PLXNA4: variants seen among roughly 807,000 people sequenced by gnomAD.
The protein encoded by PLXNA4 is plexin-A4.
A neutral mutation model predicts 191.8 loss-of-function variants in PLXNA4; 44 were observed. The ratio of observed to expected loss-of-function variants is 0.23; its 90% confidence interval spans 0.18 to 0.29. The LOEUF (loss-of-function observed/expected upper bound fraction) is 0.29. PLXNA4 is among the 10% of genes least tolerant of loss of function. The pLI is 1.00. For synonymous variants in PLXNA4, 1,082 were observed against 1,009.5 expected (o/e 1.07, Z -1.36); for missense variants, 1,800 against 2,488.8 (o/e 0.72, Z 5.89).
intron 1 of PLXNA4, among the ~76,000 whole-genome samples, chr7:132,564,002 TCCTCCTTCTCCTCCTCCTTCTCCTC>T (rs1801568144): frequency 1.3e-5 from 1 of 79,390 alleles, no homozygotes; most frequent in Non-Finnish European, 2.5e-5. Context: ...CTCCTTCTCC[TCCTCCTTCTCCTCCTCCTTCTCCTC>T]CTCCTTCTCC....
chr7:132,433,206 G>A (rs974633303), intron 3 of PLXNA4, among the ~76,000 whole-genome samples: 11 of 152,118 alleles, frequency 7.2e-5, no homozygotes, highest in African/African-American at 2.2e-4. Flanking sequence ...CAATAGTTTT[G>A]ACTCTGAGAT....
chr7:132,417,658 GGA>G (rs1328857454), intron 3 of PLXNA4, among the ~76,000 whole-genome samples: 1 of 147,050 alleles, frequency 6.8e-6, no homozygotes, highest in Non-Finnish European at 1.5e-5. Flanking sequence ...AGAGAGAGAA[GGA>G]GAGAGAGAAA....
At chr7:132,254,966 C>T (rs985636754) in intron 4 of PLXNA4, among the ~76,000 whole-genome samples, 4 of 152,052 alleles carry the variant, frequency 2.6e-5, no homozygotes, top group Admixed American at 2.0e-4. Flanking sequence ...GAGGCTAATT[C>T]CAGGCTAATT....
rs1430482283 is a variant in PLXNA4, at chr7:132,576,311, G to GCGTGTT, written c.-87+110_-87+111insAACACG. The GCGTGTT allele has an allele frequency of 1.1e-5, 9 of 830,320 alleles. No individual in the cohort carries two copies. Among genetic ancestry groups the GCGTGTT allele is most frequent in the Non-Finnish European group, 1.3e-5 (9 of 688,166 alleles). The allele number at this position is 830,320 out of a possible 1,614,324, so 51.4% of individuals were successfully genotyped here. On this transcript the variant is annotated intron_variant, in intron 1 of 31. Transcript: ENST00000321063. This position sits in a 1 kb window ranked among gnomAD's most constrained non-coding sequence, Gnocchi z 5.8. The stretch of plus-strand genomic sequence containing the variant: ...TGCCTGCGTGTGTGCGTGTGCGTGT[G>GCGTGTT]CCGCGGGCTGGCTCCGGGACACTGA...
intron 1 of PLXNA4, among the ~76,000 whole-genome samples, chr7:132,543,851 AG>A (rs921575161): frequency 5.6e-4 from 86 of 152,360 alleles, no homozygotes; most frequent in Middle Eastern, 6.8e-3. Context: ...ATCAGGAAGG[AG>A]AGTTGACTCC....
At chr7:132,465,096 C>T (rs771891363) in intron 3 of PLXNA4, among the ~76,000 whole-genome samples, 2 of 152,310 alleles carry the variant, frequency 1.3e-5, no homozygotes, top group Middle Eastern at 3.4e-3. Context: ...TTCATTCCCT[C>T]CACCACTTGC....
intron 2 of PLXNA4, among the ~76,000 whole-genome samples, chr7:132,615,459 C>T (rs1371476539): frequency 3.9e-5 from 6 of 152,126 alleles, no homozygotes; most frequent in African/African-American, 1.4e-4. Context: ...CCGCAGTGCC[C>T]GGCCTCAGCG....
chr7:132,565,038 G>A (rs931573601), intron 1 of PLXNA4, among the ~76,000 whole-genome samples: 1 of 152,138 alleles, frequency 6.6e-6, no homozygotes. Flanking sequence ...CACCAGATCA[G>A]CAAACACACG....
intron 1 of PLXNA4, among the ~76,000 whole-genome samples, chr7:132,561,390 CTCCTCCTCT>C (rs1801047436): frequency 7.0e-6 from 1 of 142,604 alleles, no homozygotes; most frequent in Non-Finnish European, 1.5e-5. Context: ...CCTCTTCCTC[CTCCTCCTCT>C]TCCTCCTCCT....
At chr7:132,590,219 G>C (rs558050252) in intron 2 of PLXNA4, among the ~76,000 whole-genome samples, 1 of 152,136 alleles carries the variant, frequency 6.6e-6, no homozygotes, top group African/African-American at 2.4e-5. Context: ...AGGCACAGAA[G>C]GTAACTGAGG....
In PLXNA4 at chr7:132,132,435, CTGT is replaced by C. The variant is rs1369333362; in HGVS notation, c.5589+611_5589+613del. 1.6e-4 allele frequency among the ~76,000 whole-genome samples: 12 copies of C among 76,094 alleles called. No homozygotes were observed. The South Asian group carries it at 5.0e-3, about 32-fold the overall frequency. 49.9% of individuals were successfully genotyped at this position (76,094 alleles called of 152,430 possible). On this transcript the variant is annotated intron_variant, in intron 31 of 31. Coordinates refer to ENST00000321063, the MANE Select transcript of PLXNA4 (RefSeq NM_020911.2). ...CTGTTCTGTTCTGTTCTGTTCTGTT[CTGT>C]TCTGTTCTGTTCTGTTCTGTTCTGT...
At chr7:132,458,261 G>T (rs1796380210) in intron 3 of PLXNA4, among the ~76,000 whole-genome samples, 1 of 151,676 alleles carries the variant, frequency 6.6e-6, no homozygotes, top group Non-Finnish European at 1.5e-5. Flanking sequence ...GCTTGGCAGG[G>T]TCTACCAAAG....
chr7:132,225,616 G>GCCC lies in PLXNA4; in HGVS notation c.1982+542_1982+544dup, dbSNP rs35219127. On this transcript the variant is annotated intron_variant, in intron 8 of 31. Transcript: ENST00000321063. ...CTTCCTGACCCCTAAGCCAGAGTCCGCCCCCCCCCACAGCTTTCTGCCTCC... is the reference window on the plus strand; with the variant it reads ...CTTCCTGACCCCTAAGCCAGAGTCCGCCCCCCCCCCCCACAGCTTTCTGCCTCC... Among the ~76,000 whole-genome samples, 651 of 149,816 alleles carry GCCC rather than the reference G, an allele frequency of 4.3e-3. 12 individuals are homozygous for GCCC. The highest frequency in any genetic ancestry group is 0.036 in the South Asian group (168 of 4,718).
intron 25 of PLXNA4, among the ~76,000 whole-genome samples, chr7:132,155,022 T>C (rs1795751503): frequency 6.6e-6 from 1 of 152,204 alleles, no homozygotes; most frequent in Non-Finnish European, 1.5e-5. Context: ...TCTTTATATT[T>C]CACTCAGAAG....
intron 3 of PLXNA4, among the ~76,000 whole-genome samples, chr7:132,375,701 A>G (rs1235896427): frequency 1.3e-5 from 2 of 152,194 alleles, no homozygotes; most frequent in African/African-American, 4.8e-5. Flanking sequence ...GCTTACTGAA[A>G]CAGGTGACAT....
chr7:132,344,229 AT>A (rs36037835), intron 3 of PLXNA4, among the ~76,000 whole-genome samples: 5,885 of 150,634 alleles, frequency 0.039, 164 homozygotes, highest in Middle Eastern at 0.073. Context: ...CAAGACATGG[AT>A]TTTTTTTTTC....
intron 1 of PLXNA4, among the ~76,000 whole-genome samples, chr7:132,570,703 G>A (rs1167505533): frequency 2.0e-5 from 3 of 152,200 alleles, no homozygotes; most frequent in African/African-American, 4.8e-5. Flanking sequence ...TTGATTCAGC[G>A]AGGCTGTGTT....
intron 3 of PLXNA4, among the ~76,000 whole-genome samples, chr7:132,456,847 C>T (rs1796334032): frequency 6.6e-6 from 1 of 152,216 alleles, no homozygotes; most frequent in Middle Eastern, 3.2e-3. Flanking sequence ...CCTACATCCC[C>T]ATAGAGATAA....
rs1156912023 is a variant in PLXNA4, at chr7:132,179,928, G to A, written c.3640-7C>T. 7 of 1,600,502 alleles carry A rather than the reference G, an allele frequency of 4.4e-6. No homozygotes were observed. Among genetic ancestry groups the A allele is most frequent in the East Asian group, 2.2e-5 (1 of 44,556 alleles). ...CCATGCCACCGACACGGGCCTGGGG[G>A]CACACAGGGCAAGAGGGAGCTGGGT... On this transcript the variant is annotated splice_region_variant and splice_polypyrimidine_tract_variant and intron_variant, in intron 19 of 31. Coordinates refer to ENST00000321063, the MANE Select transcript of PLXNA4 (RefSeq NM_020911.2).
Sources: gnomAD v4.1 joint callset for allele counts (sites outside exome capture counted in the v4.1 genomes callset) on GRCh38, gnomAD v4.1.1 for gene constraint, Gnocchi (gnomAD v3.1) non-coding constraint, MANE v1.5 for transcripts, NCBI Gene and HGNC (gene_info 2026-07-23, HGNC 2026-07-21) for gene names.